BOLL: variants seen among roughly 807,000 people sequenced by gnomAD.
The protein encoded by BOLL is boule RNA binding protein.
BOLL carries 23 observed loss-of-function variants against 44.4 expected under a neutral mutation model. The observed-to-expected ratio is 0.52, with a 90% CI of 0.37 to 0.73. BOLL has a LOEUF of 0.73. Among genes scored for constraint, BOLL ranks in the 30% least tolerant of loss-of-function variants. BOLL has a pLI of 0.00. For missense variants in BOLL, 287 were observed against 338.3 expected (o/e 0.85, Z 1.19); for synonymous variants, 97 against 110.8 (o/e 0.88, Z 0.78).
At position 197,777,078 on chromosome 2, in the gene BOLL, G is replaced by A. The variant is rs757834928; in HGVS notation, c.257C>T (p.Ala86Val). Residue 86 changes from alanine to valine, a missense_variant, in exon 4 of 11, where the codon GCA becomes GTA. Ala to Val is a moderately conservative substitution (Grantham distance 64). Transcript: ENST00000392296. Reference protein sequence around the residue: ...GFVTFETQEDAQKILQEAEKL... With the variant: ...GFVTFETQEDVQKILQEAEKL... ...TCATACCTCTTGTAAAATTTTTTGT[G>A]CATCTTCTTGTGTTTCAAAAGTGAC... 13 of 1,572,732 alleles carry A rather than the reference G, an allele frequency of 8.3e-6. 1 individual carries two copies. In the East Asian group the frequency reaches 2.7e-4, roughly 33 times the overall value.
chr2:197,728,672 A>G (rs1574785345), intron 10 of BOLL, 94 bp from the exon 11 acceptor site: 1 of 835,996 alleles, frequency 1.2e-6, no homozygotes, highest in East Asian at 2.5e-5. Context: ...ATCAACATTC[A>G]CTAAATATTT....
In BOLL at chr2:197,736,457, A is replaced by T. The variant is rs574742672; in HGVS notation, c.828+6604T>A. On this transcript the variant is annotated intron_variant, in intron 10 of 10. Coordinates refer to ENST00000392296, the MANE Select transcript of BOLL (RefSeq NM_033030.6). ...TGGTGAAGTTTGTAGTTCACTTAAT[A>T]GGTCTGTAGTTTACTTAACAGTACT... Among the ~76,000 whole-genome samples the T allele has an allele frequency of 1.2e-4, 19 of 152,222 alleles. 1 individual carries two copies. The highest frequency in any genetic ancestry group is 1.0e-3 in the South Asian group (5 of 4,832).
intron 1 of BOLL, chr2:197,784,661 C>T (rs556786950): frequency 2.6e-4 from 239 of 923,566 alleles, no homozygotes; most frequent in Non-Finnish European, 3.0e-4. Flanking sequence ...ATCTCCTGAC[C>T]TCGTGATCCG....
chr2:197,764,716 TTTG>T (rs943214797), intron 7 of BOLL, among the ~76,000 whole-genome samples: 7 of 152,272 alleles, frequency 4.6e-5, no homozygotes, highest in South Asian at 2.1e-4. Context: ...AGAAGGCATT[TTTG>T]TTGTTGTTGT....
chr2:197,778,465 G>C (rs771450945), intron 3 of BOLL, among the ~76,000 whole-genome samples: 6 of 151,802 alleles, frequency 4.0e-5, no homozygotes, highest in Non-Finnish European at 8.8e-5. Flanking sequence ...TAAAGACACA[G>C]TCTATTACTT....
intron 1 of BOLL, 24 bp from the exon 2 acceptor site, chr2:197,781,889 C>CT (rs1689805723): frequency 6.4e-7 from 1 of 1,570,360 alleles, no homozygotes; most frequent in East Asian, 2.3e-5. Context: ...TTCTTTTACA[C>CT]TTTTTGCACT....
At chr2:197,767,781 A>T (rs1356057572) in intron 6 of BOLL, among the ~76,000 whole-genome samples, 1 of 152,024 alleles carries the variant, frequency 6.6e-6, no homozygotes, top group East Asian at 1.9e-4. Context: ...AGATTGAGAA[A>T]GTCTGGTTAA....
intron 10 of BOLL, among the ~76,000 whole-genome samples, chr2:197,738,477 G>C: frequency 6.6e-6 from 1 of 152,086 alleles, no homozygotes; most frequent in Middle Eastern, 3.2e-3. Context: ...GGTCTGTTTT[G>C]TATTTATTCG....
In BOLL at chr2:197,728,534, G is replaced by A; in HGVS notation, c.*21C>T. The stretch of plus-strand genomic sequence containing the variant: ...ATTGGACAAGAAATCAGTTGAGCTG[G>A]AATAGAGCTGCCCAATTGTCTTAAT... On this transcript the variant is annotated 3_prime_UTR_variant, in exon 11 of 11. Transcript: ENST00000392296. 1 of 1,613,978 alleles carries A rather than the reference G, an allele frequency of 6.2e-7. No individual in the cohort carries two copies.
rs1039550276 is a variant in BOLL at position 197,763,310 on chromosome 2, G to T, written c.552+3222C>A. Among the ~76,000 whole-genome samples the T allele has an allele frequency of 2.6e-5, 4 of 151,790 alleles. No homozygotes were observed. In the East Asian group the frequency reaches 7.7e-4, roughly 29 times the overall value. On this transcript the variant is annotated intron_variant, in intron 7 of 10. Coordinates refer to ENST00000392296, the MANE Select transcript of BOLL (RefSeq NM_033030.6). ...ATCCTGGCTAACAGGGTGAAACCCCGTCTCTACTAAAAATACAAAAAATTA... is the reference window on the plus strand; with the variant it reads ...ATCCTGGCTAACAGGGTGAAACCCCTTCTCTACTAAAAATACAAAAAATTA...
intron 4 of BOLL, 87 bp from the exon 5 acceptor site, chr2:197,775,827 C>A: frequency 1.3e-6 from 1 of 763,038 alleles, no homozygotes. Flanking sequence ...GAAAGAATTT[C>A]AAAAATTCAG....
chr2:197,782,111 C>T lies in BOLL; in HGVS notation c.-15-246G>A, dbSNP rs146424089. ...AATATTAAATATATTACTTAAAATG[C>T]TTATATTATTATCAAACCTATTACT... is the stretch of plus-strand genomic sequence containing the variant. On this transcript the variant is annotated intron_variant, in intron 1 of 10. Transcript: ENST00000392296. 4.7e-4 allele frequency among the ~76,000 whole-genome samples: 72 copies of T among 152,086 alleles called. 2 individuals are homozygous for T. The highest frequency in any genetic ancestry group is 6.0e-4 in the Non-Finnish European group (41 of 67,986).
At chr2:197,766,039 T>C (rs923564445) in intron 7 of BOLL, among the ~76,000 whole-genome samples, 3 of 152,192 alleles carry the variant, frequency 2.0e-5, no homozygotes, top group African/African-American at 4.8e-5. Context: ...TTGTTTTTTA[T>C]GGCTGCATAA....
chr2:197,733,494 G>T (rs942985382), intron 10 of BOLL, among the ~76,000 whole-genome samples: 18 of 151,200 alleles, frequency 1.2e-4, no homozygotes, highest in African/African-American at 3.9e-4. Context: ...AAAAGAGCCC[G>T]CATCGCCAAG....
intron 10 of BOLL, among the ~76,000 whole-genome samples, chr2:197,740,066 AG>A: frequency 6.6e-6 from 1 of 152,322 alleles, no homozygotes; most frequent in African/African-American, 2.4e-5. Context: ...GTAACACTAT[AG>A]GTTTTGACAA....
intron 1 of BOLL, chr2:197,784,832 T>C (rs574935244): frequency 6.9e-5 from 68 of 987,396 alleles, no homozygotes; most frequent in Middle Eastern, 2.8e-4. Context: ...AAAGAAAGCC[T>C]GAAATTCCAC....
At chr2:197,776,087 T>C (rs1689495505) in intron 4 of BOLL, among the ~76,000 whole-genome samples, 1 of 151,776 alleles carries the variant, frequency 6.6e-6, no homozygotes. Flanking sequence ...TTGAGTAGCC[T>C]GATGCGCATG....
At chr2:197,773,965 T>A (rs892004762) in intron 5 of BOLL, 3 of 432,446 alleles carry the variant, frequency 6.9e-6, no homozygotes, top group Middle Eastern at 3.4e-4. Context: ...AAAACTAAGA[T>A]AAGAATCCCT....
chr2:197,756,046 G>A (rs1688503750), intron 9 of BOLL: 1 of 152,448 alleles, frequency 6.6e-6, no homozygotes, highest in African/African-American at 2.4e-5. Context: ...TTACATTTTT[G>A]TAGGAAGAAT....
Sources: allele counts gnomAD v4.1 joint callset (sites outside exome capture counted in the v4.1 genomes callset), GRCh38; gene constraint gnomAD v4.1.1; transcripts MANE v1.5; gene names NCBI Gene and HGNC (gene_info 2026-07-23, HGNC 2026-07-21).